HMCN1: variants seen among roughly 807,000 people sequenced by gnomAD.
The protein encoded by HMCN1 is hemicentin 1, also known as hemicentin-1.
In HMCN1, 321 loss-of-function variants were observed where a neutral mutation model predicts 625.9. That is an observed-to-expected ratio of 0.51 (90% CI 0.47 to 0.56). The LOEUF (loss-of-function observed/expected upper bound fraction) is 0.56. Ranked by LOEUF, HMCN1 falls within the 20% of genes least tolerant of loss-of-function variation. HMCN1 has a pLI of 0.00. For synonymous variants in HMCN1, 2,425 were observed against 2,417.6 expected, an observed-to-expected ratio of 1.00 and a Z score of -0.09; for missense variants, 6,588 against 6,887.3, an observed-to-expected ratio of 0.96 and a Z score of 1.54.
At chr1:186,074,177 C>A (rs747475917) in intron 52 of HMCN1, among the ~76,000 whole-genome samples, 2 of 151,794 alleles carry the variant, frequency 1.3e-5, no homozygotes, top group African/African-American at 4.8e-5. Context: ...TGATAAAACA[C>A]CATAATACGA....
intron 68 of HMCN1, among the ~76,000 whole-genome samples, 161 bp downstream of exon 68, chr1:186,095,682 A>C (rs1423835849): frequency 2.0e-5 from 3 of 152,120 alleles, no homozygotes; most frequent in East Asian, 3.9e-4. Flanking sequence ...GCTTACTCTC[A>C]TCTGAAGCAT....
chr1:186,114,900 C>T lies in HMCN1; in HGVS notation c.11358C>T (p.Thr3786=). 3.7e-6 allele frequency: 6 copies of T among 1,614,128 alleles called. No individual in the cohort carries two copies. Among genetic ancestry groups the T allele is most frequent in the Non-Finnish European group, 5.1e-6 (6 of 1,180,002 alleles). Residue 3786 remains threonine, a synonymous_variant, in exon 74 of 107, where the codon ACC becomes ACT. Coordinates refer to ENST00000271588, the MANE Select transcript of HMCN1 (RefSeq NM_031935.3). ...TDTGRYLCMA[T]NAAGTDRRRI... ...CTGGACGGTATTTGTGTATGGCCAC[C>T]AATGCTGCTGGAACAGATCGCAGGC...
chr1:185,864,588 C>T lies in HMCN1; in HGVS notation c.458C>T (p.Thr153Ile), dbSNP rs753532692. Residue 153 changes from threonine (T) to isoleucine (I), a missense_variant, in exon 3 of 107, where the codon ACC (threonine) becomes ATC (isoleucine). This residue lies in a region of HMCN1 where 4,628 missense variants were observed against 4,853.1 expected (regional missense o/e 0.95). Transcript: ENST00000271588. Reference sequence around the variant, plus strand: ...GCTCGGTCCAAAGATTACCGGCTCACCCATGAGGTGCTGCAACTTATCCAA... The same window carrying T: ...GCTCGGTCCAAAGATTACCGGCTCATCCATGAGGTGCTGCAACTTATCCAA... ...TDARSKDYRL[T>I]HEVLQLIQQK... is the part of the protein sequence containing the mutation. The T allele has an allele frequency of 6.2e-7, 1 of 1,614,014 alleles. No individual in the cohort carries two copies. The highest frequency in any genetic ancestry group is 1.1e-5 in the South Asian group (1 of 91,064).
chr1:185,977,808 A>G lies in HMCN1; in HGVS notation c.2393A>G (p.Glu798Gly), dbSNP rs781759094. 1.9e-6 allele frequency: 3 copies of G among 1,612,780 alleles called. No homozygotes were observed. The highest frequency in any genetic ancestry group is 2.5e-6 in the Non-Finnish European group (3 of 1,179,006). ...DVGSPPVFIQ[E>G]PADVSMEIGS... ...CCAGCACCTCCAGTTTTCATACAAGAACCTGCTGATGTGTCTATGGAAATT... is the reference window on the plus strand; with the variant it reads ...CCAGCACCTCCAGTTTTCATACAAGGACCTGCTGATGTGTCTATGGAAATT... Residue 798 changes from glutamate (E) to glycine (G), a missense_variant, in exon 16 of 107, where the codon GAA becomes GGA. Around this residue, in one of 3 missense-constraint regions of HMCN1, gnomAD observed 4,628 missense variants for 4,853.1 expected, o/e 0.95. Transcript: ENST00000271588.
intron 62 of HMCN1, 47 bp from the exon 63 acceptor site, chr1:186,088,559 G>C (rs750928217): frequency 1.3e-6 from 2 of 1,589,770 alleles, no homozygotes; most frequent in Non-Finnish European, 1.7e-6. Context: ...AGATGTTAAA[G>C]TTTAAAGGTT....
intron 97 of HMCN1, among the ~76,000 whole-genome samples, chr1:186,164,282 C>T (rs925019352): frequency 5.4e-5 from 8 of 147,730 alleles, no homozygotes; most frequent in African/African-American, 2.1e-4. Flanking sequence ...CTCTGTCCCC[C>T]AGGCTGGAGT....
intron 4 of HMCN1, among the ~76,000 whole-genome samples, chr1:185,898,490 A>T (rs1665617958): frequency 6.6e-6 from 1 of 152,112 alleles, no homozygotes; most frequent in African/African-American, 2.4e-5. Context: ...AACTAGAAAG[A>T]TAGCGATTTT....
At chr1:186,054,079 C>G in intron 44 of HMCN1, 93 bp downstream of exon 44, 1 of 1,239,144 alleles carries the variant, frequency 8.1e-7, no homozygotes, top group Non-Finnish European at 1.2e-6. Context: ...AATGTTCATT[C>G]AAAATGGTAT....
intron 100 of HMCN1, among the ~76,000 whole-genome samples, chr1:186,169,319 T>G (rs778034637): frequency 7.2e-5 from 11 of 152,192 alleles, no homozygotes; most frequent in Non-Finnish European, 1.0e-4. Flanking sequence ...AATGACTTTC[T>G]TCACAGAATT....
At chr1:186,039,702 G>T (rs201218188) in intron 38 of HMCN1, 26 bp from the exon 39 acceptor site, 4 of 1,610,506 alleles carry the variant, frequency 2.5e-6, no homozygotes, top group East Asian at 2.2e-5. Flanking sequence ...ATATTAACGT[G>T]TCTTACTTTC....
chr1:185,928,951 A>G (rs1164465667), intron 10 of HMCN1, among the ~76,000 whole-genome samples: 1 of 152,166 alleles, frequency 6.6e-6, no homozygotes, highest in Non-Finnish European at 1.5e-5. Flanking sequence ...ATTAAATGAT[A>G]TGTAATATAT....
intron 1 of HMCN1, among the ~76,000 whole-genome samples, chr1:185,783,385 G>C (rs759155009): frequency 3.9e-5 from 6 of 152,182 alleles, no homozygotes; most frequent in Non-Finnish European, 7.3e-5. Flanking sequence ...TTTGTTGCTG[G>C]TGAGGAGCTA....
chr1:185,887,917 C>G (rs1184028282), intron 4 of HMCN1, among the ~76,000 whole-genome samples: 1 of 143,920 alleles, frequency 6.9e-6, no homozygotes, highest in African/African-American at 2.6e-5. Flanking sequence ...AGTTTACAGT[C>G]CCAGCAACAG....
intron 4 of HMCN1, among the ~76,000 whole-genome samples, chr1:185,899,909 A>G (rs899078590): frequency 6.6e-6 from 1 of 152,070 alleles, no homozygotes; most frequent in African/African-American, 2.4e-5. Flanking sequence ...CAGGCCATAC[A>G]TCTGTCTCAT....
chr1:186,001,427 A>G lies in HMCN1; in HGVS notation c.4199A>G (p.Gln1400Arg). Residue 1400 changes from glutamine (Q) to arginine (R), a missense_variant and splice_region_variant, in exon 27 of 107, where the codon CAG (glutamine) becomes CGG (arginine). By Grantham distance (43) the Gln-to-Arg change is conservative. This residue lies in a region of HMCN1 where 4,628 missense variants were observed against 4,853.1 expected (regional missense o/e 0.95). Coordinates refer to ENST00000271588, the MANE Select transcript of HMCN1 (RefSeq NM_031935.3). ...PIIMWYKDNV[Q>R]VTESSTIQTV... is the part of the protein sequence containing the mutation. ...ATTATGTGGTATAAAGATAATGTCC[A>G]GGTAAATAGAGTCATCCAAATACGT... 1 of 1,612,566 alleles carries G rather than the reference A, an allele frequency of 6.2e-7. No individual in the cohort carries two copies. Among genetic ancestry groups the G allele is most frequent in the South Asian group, 1.1e-5 (1 of 91,044 alleles).
intron 102 of HMCN1, among the ~76,000 whole-genome samples, chr1:186,174,196 T>C (rs1168564139): frequency 6.6e-6 from 1 of 152,174 alleles, no homozygotes; most frequent in Non-Finnish European, 1.5e-5. Context: ...ACTATTGCTC[T>C]CAATCTGCCT....
intron 56 of HMCN1, among the ~76,000 whole-genome samples, chr1:186,081,871 G>GAAA (rs1364103753): frequency 6.6e-6 from 1 of 152,124 alleles, no homozygotes; most frequent in Non-Finnish European, 1.5e-5. Context: ...TGTCCTGAAA[G>GAAA]AAAAGCACTT....
chr1:185,972,116 C>T (rs1251664265), intron 15 of HMCN1, among the ~76,000 whole-genome samples: 1 of 152,158 alleles, frequency 6.6e-6, no homozygotes, highest in Non-Finnish European at 1.5e-5. Context: ...TCTAGTTCTC[C>T]TTCTACCTCC....
intron 29 of HMCN1, among the ~76,000 whole-genome samples, chr1:186,005,548 A>C (rs1350296859): frequency 6.7e-6 from 1 of 149,074 alleles, no homozygotes; most frequent in Non-Finnish European, 1.5e-5. Flanking sequence ...TTTATAAACA[A>C]TTTTTTAATT....
Sources: allele counts gnomAD v4.1 joint callset (sites outside exome capture counted in the v4.1 genomes callset), GRCh38; gene constraint gnomAD v4.1.1; regional missense constraint gnomAD v4.1.1; transcripts MANE v1.5; gene names NCBI Gene and HGNC (gene_info 2026-07-23, HGNC 2026-07-21).